Variants in KHDRBS3 observed in about 807,000 individuals in gnomAD.
KHDRBS3 encodes KH RNA binding domain containing, signal transduction associated 3.
A neutral mutation model predicts 45.6 loss-of-function variants in KHDRBS3; 23 were observed. That is an observed-to-expected ratio of 0.50 (90% CI 0.36 to 0.72). The LOEUF (loss-of-function observed/expected upper bound fraction) is 0.72, where lower values mean the gene tolerates loss of function less well. KHDRBS3 is among the 30% of genes least tolerant of loss of function. KHDRBS3 has a pLI of 0.00. For missense variants in KHDRBS3, 352 were observed against 424.8 expected (o/e 0.83, Z 1.51); for synonymous variants, 162 against 156.5 (o/e 1.04, Z -0.26).
intron 6 of KHDRBS3, among the ~76,000 whole-genome samples, chr8:135,585,907 C>A (rs1161176666): frequency 6.6e-6 from 1 of 152,054 alleles, no homozygotes; most frequent in East Asian, 1.9e-4. Context: ...TTTCTAAGTT[C>A]CTGGTAAAAG....
chr8:135,572,129 A>G (rs1375655253), intron 5 of KHDRBS3, among the ~76,000 whole-genome samples: 1 of 152,202 alleles, frequency 6.6e-6, no homozygotes, highest in Non-Finnish European at 1.5e-5. Flanking sequence ...ATAGTTCCAA[A>G]AGGCAGTAGA....
intron 2 of KHDRBS3, among the ~76,000 whole-genome samples, chr8:135,535,086 G>A (rs1336759763): frequency 2.6e-5 from 4 of 152,108 alleles, no homozygotes; most frequent in African/African-American, 9.6e-5. Context: ...AGTTTGTTAT[G>A]TAGTAGTGGA....
At chr8:135,601,962 A>T (rs1317676317) in intron 6 of KHDRBS3, among the ~76,000 whole-genome samples, 1 of 152,216 alleles carries the variant, frequency 6.6e-6, no homozygotes, top group Non-Finnish European at 1.5e-5. Context: ...GCATGAGGGA[A>T]AAAAGGGAGG....
intron 7 of KHDRBS3, among the ~76,000 whole-genome samples, chr8:135,616,848 A>G (rs1029981406): frequency 5.3e-5 from 8 of 152,182 alleles, no homozygotes; most frequent in African/African-American, 1.9e-4. Context: ...ATACATTCTT[A>G]AAATGTATTT....
intron 1 of KHDRBS3, among the ~76,000 whole-genome samples, chr8:135,512,448 C>G (rs189511268): frequency 7.7e-6 from 1 of 130,210 alleles, no homozygotes; most frequent in South Asian, 2.4e-4. Flanking sequence ...GGTAATAACT[C>G]TATTGATCTT....
chr8:135,515,573 G>T (rs1170363548), intron 1 of KHDRBS3, among the ~76,000 whole-genome samples: 2 of 151,770 alleles, frequency 1.3e-5, no homozygotes, highest in African/African-American at 4.8e-5. Flanking sequence ...TTACCCTCTG[G>T]CTTTGAGCTG....
intron 2 of KHDRBS3, chr8:135,541,292 G>T (rs1826037395): frequency 1.3e-5 from 2 of 152,168 alleles, no homozygotes; most frequent in African/African-American, 4.8e-5. Flanking sequence ...AGGTGGGATT[G>T]TATGGGTCAG....
Position 135,487,530 on chromosome 8 carries a change from A to G in KHDRBS3, c.88+29576A>G, listed in dbSNP as rs187351326. 3.3e-4 allele frequency among the ~76,000 whole-genome samples: 50 copies of G among 152,366 alleles called. No homozygotes were observed. The East Asian group carries it at 5.0e-3, about 15-fold the overall frequency. On this transcript the variant is annotated intron_variant, in intron 1 of 8. Transcript: ENST00000355849. ...TACATTAAGAGAATAAGGTGTTACC[A>G]TGGTGATCCTATCATGGTGGAAGCG...
chr8:135,559,120 A>T (rs1382237988), intron 5 of KHDRBS3, among the ~76,000 whole-genome samples: 1 of 151,680 alleles, frequency 6.6e-6, no homozygotes, highest in African/African-American at 2.4e-5. Context: ...CACATCTGTA[A>T]AATTTCTTCT....
Position 135,507,566 on chromosome 8 carries a change from G to A in KHDRBS3, c.89-13671G>A, listed in dbSNP as rs184547302. On this transcript the variant is annotated intron_variant, in intron 1 of 8. Transcript: ENST00000355849. Reference sequence around the variant, plus strand: ...ATTTTTTTTTTAACGAAATCCCTACGTTTTTAACGTGTAACTTGCTTCAGC... The same window carrying A: ...ATTTTTTTTTTAACGAAATCCCTACATTTTTAACGTGTAACTTGCTTCAGC... 3.6e-3 allele frequency among the ~76,000 whole-genome samples: 541 copies of A among 152,090 alleles called. 4 individuals are homozygous for A. Among genetic ancestry groups the A allele is most frequent in the African/African-American group, 0.013 (529 of 41,468 alleles).
chr8:135,637,400 T>C (rs1830858933), intron 7 of KHDRBS3, among the ~76,000 whole-genome samples: 1 of 152,184 alleles, frequency 6.6e-6, no homozygotes, highest in East Asian at 1.9e-4. Flanking sequence ...ATTACCTGGA[T>C]TATGCATGAC....
intron 1 of KHDRBS3, among the ~76,000 whole-genome samples, chr8:135,466,479 T>G (rs2130143207): frequency 6.6e-6 from 1 of 152,340 alleles, no homozygotes; most frequent in East Asian, 1.9e-4. Flanking sequence ...GTCAAATAAC[T>G]TGTTAGGATA....
In KHDRBS3 at chr8:135,484,871, T is replaced by A. The variant is rs1416126320; in HGVS notation, c.88+26917T>A. Reference sequence around the variant, plus strand: ...ATATATTTTAAGTTGACAATATTTATTGCCTGGGAGGTAGTAACATTTATT... The same window carrying A: ...ATATATTTTAAGTTGACAATATTTAATGCCTGGGAGGTAGTAACATTTATT... On this transcript the variant is annotated intron_variant, in intron 1 of 8. Transcript: ENST00000355849. Among the ~76,000 whole-genome samples, 8 of 152,322 alleles carry A rather than the reference T, an allele frequency of 5.3e-5. No individual in the cohort carries two copies. The East Asian group carries it at 1.4e-3, about 26-fold the overall frequency.
At chr8:135,540,104 G>A (rs1274677237) in intron 2 of KHDRBS3, 3 of 152,088 alleles carry the variant, frequency 2.0e-5, no homozygotes. Flanking sequence ...ATTTATTTTT[G>A]CTCCATTTTT....
At position 135,540,092 on chromosome 8, in the gene KHDRBS3, A is replaced by C. The variant is rs1205857959; in HGVS notation, c.208-2562A>C. 3 of 152,236 alleles carry C rather than the reference A, an allele frequency of 2.0e-5. No homozygotes were observed. The East Asian group carries it at 5.8e-4, about 29-fold the overall frequency. The allele number at this position is 152,236 out of a possible 1,614,324, so 9.4% of individuals were successfully genotyped here. A position where few individuals can be genotyped will look rare whatever the true frequency, so the allele number is the denominator to read the frequency against. On this transcript the variant is annotated intron_variant, in intron 2 of 8. Coordinates refer to ENST00000355849, the MANE Select transcript of KHDRBS3 (RefSeq NM_006558.3). The stretch of plus-strand genomic sequence containing the variant: ...GATAAATATGACTATTTGACTATCA[A>C]AATTTATTTTTGCTCCATTTTTGAA...
At chr8:135,621,156 G>A (rs1830124879) in intron 7 of KHDRBS3, among the ~76,000 whole-genome samples, 1 of 151,360 alleles carries the variant, frequency 6.6e-6, no homozygotes, top group Non-Finnish European at 1.5e-5. Flanking sequence ...ATGGGAGGGT[G>A]CCAAGAAAAT....
chr8:135,561,932 AGT>A (rs1455523984), intron 5 of KHDRBS3, among the ~76,000 whole-genome samples: 1 of 152,146 alleles, frequency 6.6e-6, no homozygotes, highest in Non-Finnish European at 1.5e-5. Flanking sequence ...ACAGATTCAC[AGT>A]GTTTGTGTTT....
chr8:135,491,796 AT>A (rs1823166320), intron 1 of KHDRBS3, among the ~76,000 whole-genome samples: 1 of 152,118 alleles, frequency 6.6e-6, no homozygotes, highest in Non-Finnish European at 1.5e-5. Context: ...CTATGTTAAC[AT>A]TTTTACTTAT....
chr8:135,628,930 A>G lies in KHDRBS3; in HGVS notation c.891-16129A>G, dbSNP rs73712098. 8.8e-3 allele frequency among the ~76,000 whole-genome samples: 1,336 copies of G among 152,340 alleles called. 13 individuals carry two copies. The highest frequency in any genetic ancestry group is 0.024 in the African/African-American group (988 of 41,572). ...TACTGTGACAGGTTATTCAGGTTTC[A>G]TCCCTAGAAGTCTTTGAAAGTGGAG... On this transcript the variant is annotated intron_variant, in intron 7 of 8. Transcript: ENST00000355849.
Sources: gnomAD v4.1 joint callset for allele counts (sites outside exome capture counted in the v4.1 genomes callset) on GRCh38, gnomAD v4.1.1 for gene constraint, MANE v1.5 for transcripts, NCBI Gene and HGNC (gene_info 2026-07-23, HGNC 2026-07-21) for gene names.